Variants in PPP1R3A observed in about 807,000 individuals in gnomAD.
The protein encoded by PPP1R3A is protein phosphatase 1 regulatory subunit 3A, also known as RG1.
In PPP1R3A, 29 loss-of-function variants were observed where a neutral mutation model predicts 41.7. The observed-to-expected ratio is 0.70, with a 90% CI of 0.52 to 0.95. The LOEUF is 0.95. Ranked by LOEUF, PPP1R3A falls within the 40% of genes least tolerant of loss-of-function variation. The pLI is 0.00. For synonymous variants in PPP1R3A, 485 were observed against 453.4 expected, an observed-to-expected ratio of 1.07 and a Z score of -0.89; for missense variants, 1,352 against 1,292.4, an observed-to-expected ratio of 1.05 and a Z score of -0.71.
intron 1 of PPP1R3A, among the ~76,000 whole-genome samples, chr7:113,917,470 A>T (rs1397357219): frequency 6.6e-6 from 1 of 152,076 alleles, no homozygotes; most frequent in Non-Finnish European, 1.5e-5. Flanking sequence ...TAAGGTTACT[A>T]ATGAGGGGTC....
chr7:113,880,333 G>A (rs963129782), intron 3 of PPP1R3A, among the ~76,000 whole-genome samples: 2 of 151,924 alleles, frequency 1.3e-5, no homozygotes, highest in Non-Finnish European at 2.9e-5. Context: ...TAGTAAGAAA[G>A]GGGGCCCAAA....
At chr7:113,889,923 G>T (rs372945907) in intron 1 of PPP1R3A, among the ~76,000 whole-genome samples, 3 of 152,062 alleles carry the variant, frequency 2.0e-5, no homozygotes, top group Non-Finnish European at 4.4e-5. Context: ...CAGCGCCAGG[G>T]TATGATAACT....
At chr7:113,899,251 G>T (rs1797025843) in intron 1 of PPP1R3A, among the ~76,000 whole-genome samples, 1 of 151,634 alleles carries the variant, frequency 6.6e-6, no homozygotes, top group Non-Finnish European at 1.5e-5. Context: ...GTGTATTATT[G>T]ATTAAAATCT....
At chr7:113,887,953 GGGA>G (rs1464807032) in intron 1 of PPP1R3A, among the ~76,000 whole-genome samples, 1 of 152,066 alleles carries the variant, frequency 6.6e-6, no homozygotes, top group Non-Finnish European at 1.5e-5. Context: ...GCTTGAGCCT[GGGA>G]GGAGGAGGTT....
rs937836738 is a variant in PPP1R3A, at chr7:113,878,319, C to T, written c.2773G>A (p.Val925Met). Residue 925 changes from valine to methionine, a missense_variant, in exon 4 of 4, where the codon GTG becomes ATG. By Grantham distance (21) the Val-to-Met change is conservative. Coordinates refer to ENST00000284601, the MANE Select transcript of PPP1R3A (RefSeq NM_002711.4). The stretch of plus-strand genomic sequence containing the variant: ...GCAATTGCCTGCTCATTAGTTGACA[C>T]TGAAATTTCAGTATGATGTTTGGAA... ...PFSKHHTEIS[V>M]STNEQAIAVE... 2.5e-6 allele frequency: 4 copies of T among 1,613,154 alleles called. No individual in the cohort carries two copies. The highest frequency in any genetic ancestry group is 3.4e-6 in the Non-Finnish European group (4 of 1,179,644).
intron 1 of PPP1R3A, among the ~76,000 whole-genome samples, chr7:113,906,004 C>T (rs552556614): frequency 6.6e-6 from 1 of 151,830 alleles, no homozygotes; most frequent in East Asian, 2.0e-4. Context: ...ATTACTTGAA[C>T]TTATAGAAAA....
At chr7:113,917,547 C>CT (rs549314239) in intron 1 of PPP1R3A, among the ~76,000 whole-genome samples, 1 of 151,956 alleles carries the variant, frequency 6.6e-6, no homozygotes, top group Non-Finnish European at 1.5e-5. Flanking sequence ...TTTTGTTCTG[C>CT]TCCATTGACT....
In PPP1R3A at chr7:113,877,640, T is replaced by G; in HGVS notation, c.*83A>C. On this transcript the variant is annotated 3_prime_UTR_variant, in exon 4 of 4. Coordinates refer to ENST00000284601, the MANE Select transcript of PPP1R3A (RefSeq NM_002711.4). Reference sequence around the variant, plus strand: ...CAAGAGAAAAACTGCACTGGATCTTTGAACAATGAATAGTCCCATTCACCA... The same window carrying G: ...CAAGAGAAAAACTGCACTGGATCTTGGAACAATGAATAGTCCCATTCACCA... 1 of 1,438,754 alleles carries G rather than the reference T, an allele frequency of 7.0e-7. No homozygotes were observed. The highest frequency in any genetic ancestry group is 9.3e-7 in the Non-Finnish European group (1 of 1,072,554). The allele number at this position is 1,438,754 out of a possible 1,614,324, so 89.1% of individuals were successfully genotyped here. A position where few individuals can be genotyped will look rare whatever the true frequency, so the allele number is the denominator to read the frequency against.
rs145687954 is a variant in PPP1R3A, at chr7:113,878,610, G to T, written c.2482C>A (p.Pro828Thr). ...EKEETMSMYNPRKTHDREKCG... is the reference protein window; with the variant it reads ...EKEETMSMYNTRKTHDREKCG... ...TTCTCCCTGTCATGTGTCTTCCTAG[G>T]ATTGTACATAGACATGGTTTCTTCC... is the stretch of plus-strand genomic sequence containing the variant. Residue 828 changes from proline (P) to threonine (T), a missense_variant, in exon 4 of 4, where the codon CCT becomes ACT. Coordinates refer to ENST00000284601, the MANE Select transcript of PPP1R3A (RefSeq NM_002711.4). 2 of 1,613,384 alleles carry T rather than the reference G, an allele frequency of 1.2e-6. No homozygotes were observed. Among genetic ancestry groups the T allele is most frequent in the South Asian group, 2.2e-5 (2 of 91,066 alleles).
At chr7:113,914,232 A>T (rs1036398668) in intron 1 of PPP1R3A, among the ~76,000 whole-genome samples, 1 of 152,142 alleles carries the variant, frequency 6.6e-6, no homozygotes. Context: ...GACACTAGAC[A>T]TCATGACCCT....
chr7:113,897,331 G>T (rs887751931), intron 1 of PPP1R3A, among the ~76,000 whole-genome samples: 2 of 151,618 alleles, frequency 1.3e-5, no homozygotes, highest in African/African-American at 4.8e-5. Context: ...ATCCTACATA[G>T]ATTTTATTTG....
At position 113,879,581 on chromosome 7, in the gene PPP1R3A, C is replaced by CCTT; in HGVS notation, c.1508_1510dup (p.Glu503dup). ...GCCATAATAATCTTCCTTAGAAGAT[C>CCTT]CTTCTTCTGTTGATTCTTTGAGACA... On this transcript the variant is annotated inframe_insertion, in exon 4 of 4. Coordinates refer to ENST00000284601, the MANE Select transcript of PPP1R3A (RefSeq NM_002711.4). 1 of 1,611,556 alleles carries CCTT rather than the reference C, an allele frequency of 6.2e-7. No homozygotes were observed. The highest frequency in any genetic ancestry group is 8.5e-7 in the Non-Finnish European group (1 of 1,178,136).
chr7:113,881,139 C>T (rs1796686500), intron 3 of PPP1R3A, among the ~76,000 whole-genome samples: 1 of 152,118 alleles, frequency 6.6e-6, no homozygotes, highest in Admixed American at 6.6e-5. Flanking sequence ...TGGGTGACAA[C>T]TTTGTAGTTT....
At chr7:113,907,412 C>T (rs957213008) in intron 1 of PPP1R3A, among the ~76,000 whole-genome samples, 23 of 151,540 alleles carry the variant, frequency 1.5e-4, no homozygotes, top group African/African-American at 4.8e-4. Context: ...ACATCAAAAG[C>T]GGCTGTAATC....
chr7:113,882,848 A>G (rs1279781857), intron 1 of PPP1R3A, among the ~76,000 whole-genome samples: 1 of 152,036 alleles, frequency 6.6e-6, no homozygotes, highest in Non-Finnish European at 1.5e-5. Context: ...AAAAAGTAAA[A>G]GTAAGAAAGA....
At chr7:113,911,391 T>C (rs1163406894) in intron 1 of PPP1R3A, among the ~76,000 whole-genome samples, 2 of 152,114 alleles carry the variant, frequency 1.3e-5, no homozygotes, top group African/African-American at 4.8e-5. Flanking sequence ...GTGGGATACA[T>C]AGAATGCTTT....
Position 113,879,636 on chromosome 7 carries a change from G to A in PPP1R3A, c.1456C>T (p.Arg486Ter), listed in dbSNP as rs780306610. 1.7e-5 allele frequency: 27 copies of A among 1,612,880 alleles called. No homozygotes were observed. Among genetic ancestry groups the A allele is most frequent in the Middle Eastern group, 1.6e-4 (1 of 6,078 alleles). Residue 486 changes from arginine to a stop codon, truncating the protein, a stop_gained, in exon 4 of 4, where the codon CGA becomes TGA. Transcript: ENST00000284601. LOFTEE classifies it low-confidence loss of function (END_TRUNC). ...GACGTATCTGAATGGAAATCTCTTC[G>A]TAAACATCCCAAATCTTTTACTTCA... ...NIEVKDLGCL[R>*]RDFHSDTSAC...
chr7:113,916,160 T>G (rs1324095133), intron 1 of PPP1R3A, among the ~76,000 whole-genome samples: 1 of 152,062 alleles, frequency 6.6e-6, no homozygotes, highest in Non-Finnish European at 1.5e-5. Flanking sequence ...TGTTGGTCAT[T>G]TTTAAGTTAC....
chr7:113,890,460 C>G (rs907342217), intron 1 of PPP1R3A, among the ~76,000 whole-genome samples: 3 of 152,118 alleles, frequency 2.0e-5, no homozygotes, highest in Non-Finnish European at 4.4e-5. Flanking sequence ...CTGAGGTGCA[C>G]TAGTGCTTGT....
Sources: gnomAD v4.1 joint callset for allele counts (sites outside exome capture counted in the v4.1 genomes callset) on GRCh38, gnomAD v4.1.1 for gene constraint, MANE v1.5 for transcripts, NCBI Gene and HGNC (gene_info 2026-07-23, HGNC 2026-07-21) for gene names.